Variants in CMIP observed in about 807,000 individuals in gnomAD.
The protein encoded by CMIP is C-Maf-inducing protein.
Under a neutral mutation model 97.3 loss-of-function variants are expected in CMIP, and 13 were observed. The observed-to-expected ratio is 0.13, with a 90% CI of 0.09 to 0.21. CMIP has a LOEUF of 0.21. CMIP is among the 10% of genes least tolerant of loss of function. The pLI, the probability that CMIP is intolerant of heterozygous loss-of-function variation, is 1.00. For synonymous variants in CMIP, 538 were observed against 436.3 expected, an observed-to-expected ratio of 1.23 and a Z score of -2.91; for missense variants, 847 against 1,024.9, an observed-to-expected ratio of 0.83 and a Z score of 2.37.
intron 1 of CMIP, among the ~76,000 whole-genome samples, chr16:81,454,225 C>T (rs755131097): frequency 8.5e-5 from 13 of 152,134 alleles, no homozygotes; most frequent in Non-Finnish European, 1.6e-4. Flanking sequence ...TACTGTGTGC[C>T]GGGCACAGTG....
chr16:81,477,464 A>G (rs1055871232), intron 1 of CMIP, among the ~76,000 whole-genome samples: 3 of 152,150 alleles, frequency 2.0e-5, no homozygotes, highest in South Asian at 4.1e-4. Context: ...CCTAGCCTGA[A>G]TTCTTAAGGG....
intron 1 of CMIP, among the ~76,000 whole-genome samples, chr16:81,524,577 G>A (rs1483034329): frequency 6.6e-6 from 1 of 152,248 alleles, no homozygotes; most frequent in African/African-American, 2.4e-5. Context: ...TATGGCAGCT[G>A]CAGCCATCAC....
At chr16:81,593,544 C>T (rs780200085) in intron 1 of CMIP, among the ~76,000 whole-genome samples, 17 of 152,248 alleles carry the variant, frequency 1.1e-4, no homozygotes, top group Non-Finnish European at 1.5e-4. Context: ...CTTTCCTCTC[C>T]GCTCTTTTCG....
intron 1 of CMIP, among the ~76,000 whole-genome samples, chr16:81,570,744 A>G (rs370221621): frequency 6.6e-6 from 1 of 152,100 alleles, no homozygotes; most frequent in East Asian, 1.9e-4. Context: ...CTCTGTCTCT[A>G]GCGATCCCTG....
chr16:81,567,224 C>A (rs897339082), intron 1 of CMIP, among the ~76,000 whole-genome samples: 1 of 152,274 alleles, frequency 6.6e-6, no homozygotes, highest in African/African-American at 2.4e-5. Context: ...CTGGCGGAAA[C>A]CCCGCACCAC....
At position 81,672,063 on chromosome 16, in the gene CMIP, A is replaced by C; in HGVS notation, c.1027A>C (p.Ile343Leu). 1 of 1,591,174 alleles carries C rather than the reference A, an allele frequency of 6.3e-7. No individual in the cohort carries two copies. The highest frequency in any genetic ancestry group is 8.6e-7 in the Non-Finnish European group (1 of 1,165,736). Residue 343 changes from isoleucine to leucine, a missense_variant, in exon 9 of 21, where the codon ATC (isoleucine) becomes CTC (leucine). Physicochemically the swap from Ile to Leu is conservative, Grantham distance 5 (BLOSUM62 2). Coordinates refer to ENST00000537098, the MANE Select transcript of CMIP (RefSeq NM_198390.3). ...CATCTACTCCTGCTATGAAGAGTTC[A>C]TCAACAGGTCAGTTGCTGAACCACC... is the stretch of plus-strand genomic sequence containing the variant. Reference protein sequence around the residue: ...AAIYSCYEEFINSRDNSPSLK... With the variant: ...AAIYSCYEEFLNSRDNSPSLK...
At chr16:81,452,941 A>G (rs1319994057) in intron 1 of CMIP, among the ~76,000 whole-genome samples, 3 of 137,164 alleles carry the variant, frequency 2.2e-5, no homozygotes, top group Non-Finnish European at 3.0e-5. Flanking sequence ...AGTGAAGAAT[A>G]GCCCTGGTAG....
At chr16:81,670,119 C>T (rs761979560) in intron 7 of CMIP, 23 bp from the exon 8 acceptor site, 1 of 1,594,690 alleles carries the variant, frequency 6.3e-7, no homozygotes, top group Non-Finnish European at 8.5e-7. Flanking sequence ...CGTCCCGACT[C>T]CTGTCCTCTG....
chr16:81,455,257 C>T (rs1382497068), intron 1 of CMIP, among the ~76,000 whole-genome samples: 2 of 152,312 alleles, frequency 1.3e-5, no homozygotes, highest in East Asian at 1.9e-4. Flanking sequence ...AGCGGCCACT[C>T]GTGTGATTAG....
chr16:81,678,638 C>CG lies in CMIP; in HGVS notation c.1388+10_1388+11insG, dbSNP rs1567656620. The stretch of plus-strand genomic sequence containing the variant: ...AAATCCTCAAGCTGCTGTGAGTGCC[C>CG]CCCCCGCGTGCCCGCCCCCGGGGCC... On this transcript the variant is annotated intron_variant, in intron 10 of 20. Transcript: ENST00000537098. The CG allele has an allele frequency of 5.7e-6, 8 of 1,406,388 alleles. No individual in the cohort carries two copies. The highest frequency in any genetic ancestry group is 2.0e-4 in the Middle Eastern group (1 of 5,062). The allele number at this position is 1,406,388 out of a possible 1,614,324, so 87.1% of individuals were successfully genotyped here. A position where few individuals can be genotyped will look rare whatever the true frequency, so the allele number is the denominator to read the frequency against.
At chr16:81,585,442 C>T (rs1226663150) in intron 1 of CMIP, among the ~76,000 whole-genome samples, 1 of 152,196 alleles carries the variant, frequency 6.6e-6, no homozygotes, top group Non-Finnish European at 1.5e-5. Flanking sequence ...CTCATCACCT[C>T]AAAAGGAAAC....
Position 81,694,343 on chromosome 16 carries a change from G to A in CMIP, c.1530+856G>A, listed in dbSNP as rs905927885. ...GACTCGTGCTCCCGGCAGAACAGGG[G>A]GAAGGATGAGCAGAGGACAGGGGGA... On this transcript the variant is annotated intron_variant, in intron 13 of 20. Transcript: ENST00000537098. Among the ~76,000 whole-genome samples the A allele has an allele frequency of 2.0e-5, 3 of 152,204 alleles. No individual in the cohort carries two copies. In the East Asian group the frequency reaches 5.8e-4, roughly 29 times the overall value.
At chr16:81,451,694 G>C (rs993852768) in intron 1 of CMIP, among the ~76,000 whole-genome samples, 1 of 152,202 alleles carries the variant, frequency 6.6e-6, no homozygotes, top group Admixed American at 6.5e-5. Flanking sequence ...GGTCTTCCCT[G>C]CAGCTGAAGG....
At chr16:81,475,302 A>G (rs1023686617) in intron 1 of CMIP, among the ~76,000 whole-genome samples, 2 of 152,252 alleles carry the variant, frequency 1.3e-5, no homozygotes, top group Admixed American at 1.3e-4. Context: ...AAAGCAGGGT[A>G]TAAAATAATA....
rs1288119014 is a variant in CMIP at position 81,655,063 on chromosome 16, G to A, written c.639+2699G>A. Reference sequence around the variant, plus strand: ...TCCTCTCATATGCATAAAGTGCTTGGCACTGTGCCTAACTTGCAAGGGCCT... The same window carrying A: ...TCCTCTCATATGCATAAAGTGCTTGACACTGTGCCTAACTTGCAAGGGCCT... On this transcript the variant is annotated intron_variant, in intron 4 of 20. Transcript: ENST00000537098. This position sits in a 1 kb window ranked among gnomAD's most constrained non-coding sequence, Gnocchi z 4.9. Among the ~76,000 whole-genome samples the A allele has an allele frequency of 6.6e-6, 1 of 152,198 alleles. No homozygotes were observed. The highest frequency in any genetic ancestry group is 6.5e-5 in the Admixed American group (1 of 15,284).
intron 20 of CMIP, 75 bp downstream of exon 20, chr16:81,707,159 C>A: frequency 1.6e-6 from 2 of 1,219,962 alleles, no homozygotes; most frequent in Non-Finnish European, 2.4e-6. Context: ...GCATCTCCTG[C>A]ACAGAGCTCG....
At chr16:81,708,381 G>T (rs572829581) in intron 20 of CMIP, among the ~76,000 whole-genome samples, 14 of 152,362 alleles carry the variant, frequency 9.2e-5, no homozygotes, top group African/African-American at 3.1e-4. Flanking sequence ...GGGCACACTC[G>T]TGTTTGAGAA....
intron 1 of CMIP, among the ~76,000 whole-genome samples, chr16:81,482,198 C>A (rs1369216554): frequency 2.0e-5 from 3 of 152,036 alleles, no homozygotes; most frequent in Non-Finnish European, 4.4e-5. Flanking sequence ...CTTATAAGGA[C>A]CCTGTGGTTA....
intron 9 of CMIP, among the ~76,000 whole-genome samples, chr16:81,672,490 T>C (rs1379539201): frequency 6.6e-6 from 1 of 152,186 alleles, no homozygotes; most frequent in Non-Finnish European, 1.5e-5. Flanking sequence ...TGCCCGTGTG[T>C]TGGGGACAAG....
Sources: allele counts gnomAD v4.1 joint callset (sites outside exome capture counted in the v4.1 genomes callset), GRCh38; gene constraint gnomAD v4.1.1; non-coding constraint Gnocchi (gnomAD v3.1); transcripts MANE v1.5; gene names NCBI Gene and HGNC (gene_info 2026-07-23, HGNC 2026-07-21).